The following ANTXR2 variants were observed in gnomAD, a reference collection of about 807,000 sequenced individuals.
ANTXR2 encodes the protein anthrax toxin receptor 2.
In ANTXR2, 44 loss-of-function variants were observed where a neutral mutation model predicts 73.7. The ratio of observed to expected loss-of-function variants is 0.60; its 90% confidence interval spans 0.47 to 0.77. The LOEUF (loss-of-function observed/expected upper bound fraction) is 0.77. Ranked by LOEUF, ANTXR2 falls within the 30% of genes least tolerant of loss-of-function variation. ANTXR2 has a pLI of 0.00. For missense variants in ANTXR2, 604 were observed against 592.5 expected (o/e 1.02, Z -0.20); for synonymous variants, 217 against 205.9 (o/e 1.05, Z -0.46).
At chr4:79,933,735 G>GTT (rs10689799) in intron 16 of ANTXR2, among the ~76,000 whole-genome samples, 24,824 of 68,736 alleles carry the variant, frequency 0.36, 5,512 homozygotes, top group Non-Finnish European at 0.45. Flanking sequence ...TGGTGTGTTT[G>GTT]TTTTTTTTTT....
intron 16 of ANTXR2, among the ~76,000 whole-genome samples, chr4:79,949,450 G>A (rs539343956): frequency 1.3e-5 from 2 of 152,224 alleles, no homozygotes; most frequent in South Asian, 2.1e-4. Flanking sequence ...AATCCTTATC[G>A]CTATGGTCTT....
chr4:80,065,817 G>C (rs970507629), intron 3 of ANTXR2, among the ~76,000 whole-genome samples: 4 of 152,314 alleles, frequency 2.6e-5, no homozygotes, highest in African/African-American at 7.2e-5. Flanking sequence ...AGAATTATGA[G>C]TGCTAGAAAC....
chr4:80,063,510 G>T lies in ANTXR2; in HGVS notation c.296+5926C>A, dbSNP rs572038068. Among the ~76,000 whole-genome samples the T allele has an allele frequency of 3.3e-5, 5 of 151,828 alleles. 1 individual carries two copies. The South Asian group carries it at 1.0e-3, about 31-fold the overall frequency. On this transcript the variant is annotated intron_variant, in intron 3 of 16. Coordinates refer to ENST00000403729, the MANE Select transcript of ANTXR2 (RefSeq NM_058172.6). ...ATATATATAAATTAAAATTGTGAAG[G>T]TTTTTTCCACCTTCAATATCATGCC... is the stretch of plus-strand genomic sequence containing the variant.
At chr4:79,933,542 GTTTTA>G (rs948557103) in intron 16 of ANTXR2, among the ~76,000 whole-genome samples, 167 of 152,026 alleles carry the variant, frequency 1.1e-3, no homozygotes, top group African/African-American at 2.7e-4. Context: ...GTTTTGTTTT[GTTTTA>G]TTTTATTATT....
intron 16 of ANTXR2, among the ~76,000 whole-genome samples, chr4:79,963,812 T>C (rs957958694): frequency 5.3e-5 from 8 of 152,304 alleles, no homozygotes; most frequent in African/African-American, 1.4e-4. Flanking sequence ...AGTATTTCCA[T>C]TGAAAAGTCA....
intron 16 of ANTXR2, among the ~76,000 whole-genome samples, chr4:79,936,820 T>C (rs1728282333): frequency 6.6e-6 from 1 of 152,138 alleles, no homozygotes; most frequent in East Asian, 1.9e-4. Flanking sequence ...TTATAATCAT[T>C]CCCACCTAGT....
chr4:79,988,545 A>G (rs1249573014), intron 12 of ANTXR2, among the ~76,000 whole-genome samples: 1 of 151,964 alleles, frequency 6.6e-6, no homozygotes, highest in South Asian at 2.1e-4. Flanking sequence ...CCACACAATA[A>G]TAATGGGAGA....
intron 3 of ANTXR2, among the ~76,000 whole-genome samples, chr4:80,066,303 T>C (rs2110120826): frequency 6.6e-6 from 1 of 152,308 alleles, no homozygotes. Flanking sequence ...TGATACACTG[T>C]TATACAATTT....
chr4:80,012,292 G>A (rs1731622735), intron 11 of ANTXR2, among the ~76,000 whole-genome samples: 1 of 151,450 alleles, frequency 6.6e-6, no homozygotes, highest in Admixed American at 6.6e-5. Flanking sequence ...TATGGTACAA[G>A]AGTCAAATCC....
chr4:80,043,521 C>T (rs1414292174), intron 7 of ANTXR2, among the ~76,000 whole-genome samples: 1 of 151,994 alleles, frequency 6.6e-6, no homozygotes, highest in African/African-American at 2.4e-5. Flanking sequence ...ATTATAATGA[C>T]ATTTTCTGTT....
intron 11 of ANTXR2, among the ~76,000 whole-genome samples, chr4:80,017,301 T>C (rs1731919738): frequency 6.6e-6 from 1 of 152,220 alleles, no homozygotes; most frequent in Non-Finnish European, 1.5e-5. Context: ...TGGAGCACTA[T>C]TCCCTCAGAT....
Position 80,002,829 on chromosome 4 carries a change from A to G in ANTXR2, c.1041+5692T>C, listed in dbSNP as rs1262791346. ...GAAAAAATGCTCACCATCACTGGCC[A>G]TCAGAGAAATGCAAATCAAAACCAC... On this transcript the variant is annotated intron_variant, in intron 12 of 16. Coordinates refer to ENST00000403729, the MANE Select transcript of ANTXR2 (RefSeq NM_058172.6). Among the ~76,000 whole-genome samples, 5 of 151,614 alleles carry G rather than the reference A, an allele frequency of 3.3e-5. No homozygotes were observed. In the East Asian group the frequency reaches 7.8e-4, roughly 24 times the overall value.
chr4:79,983,175 T>C (rs1393385879), intron 14 of ANTXR2, among the ~76,000 whole-genome samples: 1 of 152,072 alleles, frequency 6.6e-6, no homozygotes, highest in East Asian at 1.9e-4. Flanking sequence ...ATCCCTTGAA[T>C]TGCTCCTTGG....
chr4:79,926,569 C>A (rs1727789324), intron 16 of ANTXR2, among the ~76,000 whole-genome samples: 1 of 152,124 alleles, frequency 6.6e-6, no homozygotes, highest in Non-Finnish European at 1.5e-5. Context: ...ATTAAAAATA[C>A]ATATTTCATC....
intron 10 of ANTXR2, among the ~76,000 whole-genome samples, chr4:80,030,468 T>A: frequency 6.6e-6 from 1 of 152,076 alleles, no homozygotes; most frequent in East Asian, 1.9e-4. Context: ...AGAAACTGAC[T>A]TGCCTCAAAT....
At chr4:80,049,175 G>A (rs1733660583) in intron 7 of ANTXR2, among the ~76,000 whole-genome samples, 1 of 151,640 alleles carries the variant, frequency 6.6e-6, no homozygotes, top group Admixed American at 6.6e-5. Context: ...CCATGGTCCT[G>A]TTTTTACACA....
chr4:79,984,752 A>G, intron 13 of ANTXR2, 67 bp downstream of exon 13: 1 of 1,342,878 alleles, frequency 7.4e-7, no homozygotes, highest in South Asian at 1.3e-5. Context: ...AATTGATTAA[A>G]TTTGGGCATG....
chr4:80,057,162 G>T lies in ANTXR2; in HGVS notation c.297-1149C>A, dbSNP rs188678610. ...AAATGATAAACTGAATTAGAAAATT[G>T]TAAATAACACATGAAGAGTACTCAC... On this transcript the variant is annotated intron_variant, in intron 3 of 16. Transcript: ENST00000403729. Among the ~76,000 whole-genome samples the T allele has an allele frequency of 1.3e-3, 190 of 151,880 alleles. 2 individuals are homozygous for T. Among genetic ancestry groups the T allele is most frequent in the African/African-American group, 4.2e-3 (173 of 41,504 alleles).
rs992643057 is a variant in ANTXR2, at chr4:80,041,229, A to C, written c.637-5197T>G. The stretch of plus-strand genomic sequence containing the variant: ...CCAGGTTTTATTGAGTCCAAACCCC[A>C]TTCTTCTAGCCAGCACCTTCCACCA... On this transcript the variant is annotated intron_variant, in intron 7 of 16. Coordinates refer to ENST00000403729, the MANE Select transcript of ANTXR2 (RefSeq NM_058172.6). Among the ~76,000 whole-genome samples, 8 of 152,132 alleles carry C rather than the reference A, an allele frequency of 5.3e-5. No homozygotes were observed. The East Asian group carries it at 1.4e-3, about 26-fold the overall frequency.
Sources: allele counts gnomAD v4.1 joint callset (sites outside exome capture counted in the v4.1 genomes callset), GRCh38; gene constraint gnomAD v4.1.1; transcripts MANE v1.5; gene names NCBI Gene and HGNC (gene_info 2026-07-23, HGNC 2026-07-21).